Variants in TANC1 observed in about 807,000 individuals in gnomAD.
The protein encoded by TANC1 is protein TANC1.
A neutral mutation model predicts 149.7 loss-of-function variants in TANC1; 77 were observed. That is an observed-to-expected ratio of 0.51 (90% confidence interval 0.43 to 0.62). The LOEUF is 0.62. TANC1 is among the 20% of genes least tolerant of loss of function. The pLI, the probability that TANC1 is intolerant of heterozygous loss-of-function variation, is 0.00. For synonymous variants in TANC1, 854 were observed against 925.0 expected (o/e 0.92, Z 1.39); for missense variants, 1,985 against 2,321.8 (o/e 0.85, Z 2.98).
At position 159,178,617 on chromosome 2, in the gene TANC1, AC is replaced by A; in HGVS notation, c.1965del (p.Asp655GlufsTer26). 1 of 1,610,706 alleles carries A rather than the reference AC, an allele frequency of 6.2e-7. No individual in the cohort carries two copies. The highest frequency in any genetic ancestry group is 8.5e-7 in the Non-Finnish European group (1 of 1,178,910). The part of the protein sequence containing the change: ...LSLDDFPDNK[D>X]IHSDLHAYVQ... ...TTAGATGACTTCCCAGACAACAAAG[AC>A]ATCCACAGTGACCTGCACGCCTACG... On this transcript the variant is annotated frameshift_variant, in exon 14 of 27. Transcript: ENST00000263635. LOFTEE classifies it high-confidence loss of function.
intron 4 of TANC1, among the ~76,000 whole-genome samples, chr2:159,111,924 C>T (rs1316699826): frequency 2.6e-5 from 4 of 152,146 alleles, no homozygotes; most frequent in Non-Finnish European, 4.4e-5. Flanking sequence ...GCCCATTGTA[C>T]GCCTTGTAGA....
At chr2:159,227,389 C>A in intron 24 of TANC1, 1 of 163,948 alleles carries the variant, frequency 6.1e-6, no homozygotes, top group Non-Finnish European at 1.3e-5. Flanking sequence ...AGCAAGCTCT[C>A]TAGGTTTATC....
chr2:159,211,269 A>G (rs1193323809), intron 19 of TANC1, among the ~76,000 whole-genome samples: 1 of 152,240 alleles, frequency 6.6e-6, no homozygotes, highest in African/African-American at 2.4e-5. Context: ...ATGGGAATCT[A>G]ATTCACAAAT....
chr2:159,142,994 T>C (rs2051554404), intron 5 of TANC1, among the ~76,000 whole-genome samples: 1 of 149,012 alleles, frequency 6.7e-6, no homozygotes, highest in Admixed American at 6.7e-5. Context: ...ACCCAGGAGT[T>C]GGTGGTTGCT....
At chr2:159,181,302 CTT>C (rs755312956) in intron 14 of TANC1, among the ~76,000 whole-genome samples, 6 of 140,456 alleles carry the variant, frequency 4.3e-5, no homozygotes, top group Non-Finnish European at 1.6e-5. Context: ...GATTTTTTTG[CTT>C]TTTTTTTTTT....
intron 4 of TANC1, among the ~76,000 whole-genome samples, chr2:159,115,676 C>G (rs899055906): frequency 1.3e-5 from 2 of 152,152 alleles, no homozygotes; most frequent in African/African-American, 4.8e-5. Flanking sequence ...ACCCTTAACT[C>G]ATTTTTTGCA....
intron 14 of TANC1, among the ~76,000 whole-genome samples, chr2:159,179,655 C>T (rs1423971035): frequency 6.6e-6 from 1 of 152,164 alleles, no homozygotes; most frequent in Admixed American, 6.5e-5. Flanking sequence ...TATCTGTGAG[C>T]CCAGAGGGAG....
chr2:159,120,772 G>A (rs1190949907), intron 4 of TANC1, among the ~76,000 whole-genome samples: 1 of 152,026 alleles, frequency 6.6e-6, no homozygotes, highest in East Asian at 1.9e-4. Context: ...ACTAATTTTT[G>A]TATTTTTTTG....
chr2:159,079,832 T>A (rs537254548), intron 3 of TANC1, among the ~76,000 whole-genome samples: 1 of 152,332 alleles, frequency 6.6e-6, no homozygotes, highest in Non-Finnish European at 1.5e-5. Flanking sequence ...CAAGTGCATG[T>A]CTTCATCATG....
At position 159,059,163 on chromosome 2, in the gene TANC1, A is replaced by G. The variant is rs1395652941; in HGVS notation, c.-15-6733A>G. On this transcript the variant is annotated intron_variant, in intron 2 of 26. Transcript: ENST00000263635. ...ATGAATGACTGGATCTATGTGTCTT[A>G]GAGAATAAATTATAGTTTAATGTCA... is the stretch of plus-strand genomic sequence containing the variant. Among the ~76,000 whole-genome samples, 4 of 152,352 alleles carry G rather than the reference A, an allele frequency of 2.6e-5. No homozygotes were observed. In the South Asian group the frequency reaches 8.3e-4, roughly 32 times the overall value.
chr2:159,049,866 A>G (rs1023243697), intron 2 of TANC1, among the ~76,000 whole-genome samples: 1 of 152,220 alleles, frequency 6.6e-6, no homozygotes, highest in Non-Finnish European at 1.5e-5. Context: ...TATGTGAGCC[A>G]GGGCTGATGA....
intron 4 of TANC1, among the ~76,000 whole-genome samples, chr2:159,134,586 G>A (rs1175000239): frequency 3.3e-5 from 5 of 152,156 alleles, no homozygotes; most frequent in Admixed American, 6.5e-5. Context: ...GGGTTCAAGC[G>A]ATTCTCCTGC....
At chr2:159,004,506 A>G (rs1358923134) in intron 2 of TANC1, among the ~76,000 whole-genome samples, 2 of 151,610 alleles carry the variant, frequency 1.3e-5, no homozygotes, top group African/African-American at 2.4e-5. Flanking sequence ...ACTTCCTCCC[A>G]GGATTTTTTT....
chr2:159,150,467 G>A lies in TANC1; in HGVS notation c.593G>A (p.Cys198Tyr), dbSNP rs1574974507. The change falls in exon 7 of 27, where the codon TGT (cysteine) becomes TAT (tyrosine). Residue 198 changes from cysteine to tyrosine, a missense_variant. Physicochemically the swap from Cys to Tyr is radical, Grantham distance 194. Transcript: ENST00000263635. The part of the protein sequence containing the change: ...TDSPCSTLNS[C>Y]VSKTAANKSP... ...AGCCCCTGCTCAACCTTGAATAGCT[G>A]TGTCAGCAAGACGGCAGCCAACAAA... The A allele has an allele frequency of 6.2e-7, 1 of 1,614,136 alleles. No individual in the cohort carries two copies. Among genetic ancestry groups the A allele is most frequent in the Non-Finnish European group, 8.5e-7 (1 of 1,180,004 alleles).
intron 2 of TANC1, among the ~76,000 whole-genome samples, chr2:159,036,601 C>T (rs1434658602): frequency 3.9e-5 from 6 of 152,086 alleles, no homozygotes; most frequent in African/African-American, 9.7e-5. Flanking sequence ...TGAGTGAGAA[C>T]ATGCAGTGTT....
chr2:159,121,900 C>T (rs543492445), intron 4 of TANC1, among the ~76,000 whole-genome samples: 1 of 152,294 alleles, frequency 6.6e-6, no homozygotes, highest in African/African-American at 2.4e-5. Context: ...AAGGTACACC[C>T]TGTTATCTCT....
intron 2 of TANC1, among the ~76,000 whole-genome samples, chr2:159,020,326 C>G (rs1162312934): frequency 6.6e-6 from 1 of 152,086 alleles, no homozygotes; most frequent in Non-Finnish European, 1.5e-5. Context: ...GTTGGCCAGG[C>G]TGGTCTTGAA....
chr2:158,970,288 T>A (rs745679431), intron 1 of TANC1, among the ~76,000 whole-genome samples: 26 of 152,136 alleles, frequency 1.7e-4, no homozygotes, highest in Non-Finnish European at 2.8e-4. Flanking sequence ...TGGTCATCTT[T>A]ATTCCTGCCA....
intron 1 of TANC1, among the ~76,000 whole-genome samples, chr2:158,992,209 C>CA (rs2035699462): frequency 6.6e-6 from 1 of 151,824 alleles, no homozygotes; most frequent in Admixed American, 6.6e-5. Flanking sequence ...AGAAAAAATA[C>CA]AAAAATTAGA....
Sources: allele counts gnomAD v4.1 joint callset (sites outside exome capture counted in the v4.1 genomes callset), GRCh38; gene constraint gnomAD v4.1.1; transcripts MANE v1.5; gene names NCBI Gene and HGNC (gene_info 2026-07-23, HGNC 2026-07-21).